Variants in KLF12 observed in about 807,000 individuals in gnomAD.
KLF12 encodes KLF transcription factor 12, also known as Krueppel-like factor 12.
A neutral mutation model predicts 37.8 loss-of-function variants in KLF12; 9 were observed. The ratio of observed to expected loss-of-function variants is 0.24; its 90% CI spans 0.14 to 0.42. The LOEUF (loss-of-function observed/expected upper bound fraction) is 0.42. KLF12 is among the 10% of genes least tolerant of loss of function. The pLI, the probability that KLF12 is intolerant of heterozygous loss-of-function variation, is 1.00. For missense variants in KLF12, 411 were observed against 516.0 expected (o/e 0.80, Z 1.97); for synonymous variants, 208 against 202.1 (o/e 1.03, Z -0.25).
At chr13:73,926,294 C>T (rs543566383) in intron 3 of KLF12, among the ~76,000 whole-genome samples, 12 of 152,286 alleles carry the variant, frequency 7.9e-5, no homozygotes, top group Admixed American at 6.5e-4. Context: ...CCACCTTGAT[C>T]AGTCAGTGGC....
chr13:74,126,400 T>C (rs891450555), intron 1 of KLF12, among the ~76,000 whole-genome samples: 1 of 152,222 alleles, frequency 6.6e-6, no homozygotes, highest in Non-Finnish European at 1.5e-5. Flanking sequence ...AATCTGCCAT[T>C]ATATACAATC....
chr13:73,913,766 A>G (rs1210596679), intron 3 of KLF12, among the ~76,000 whole-genome samples: 4 of 152,246 alleles, frequency 2.6e-5, no homozygotes, highest in African/African-American at 7.2e-5. Flanking sequence ...ATATAAATTA[A>G]TATCACCTTC....
intron 7 of KLF12, among the ~76,000 whole-genome samples, chr13:73,697,074 A>T (rs1013005657): frequency 3.6e-5 from 5 of 137,662 alleles, no homozygotes; most frequent in African/African-American, 1.1e-4. Flanking sequence ...ACTTGAATGT[A>T]TTAATACAAC....
the KLF12 span, among the ~76,000 whole-genome samples, chr13:74,164,859 A>G: frequency 2.6e-5 from 4 of 152,216 alleles, no homozygotes; most frequent in Admixed American, 6.5e-5. Context: ...ACAAATGAAA[A>G]CAATTGAACT....
chr13:73,996,597 ATTAT>A (rs898331041), intron 1 of KLF12, among the ~76,000 whole-genome samples: 1 of 152,234 alleles, frequency 6.6e-6, no homozygotes, highest in African/African-American at 2.4e-5. Flanking sequence ...GGAATATATC[ATTAT>A]TTACTTCTTA....
intron 2 of KLF12, among the ~76,000 whole-genome samples, chr13:73,974,126 A>G (rs1292226986): frequency 6.6e-6 from 1 of 152,164 alleles, no homozygotes; most frequent in Non-Finnish European, 1.5e-5. Context: ...ACAAAGAACA[A>G]AGAGAGCCTG....
intron 1 of KLF12, among the ~76,000 whole-genome samples, chr13:74,078,133 G>A (rs549924288): frequency 6.6e-6 from 1 of 152,192 alleles, no homozygotes; most frequent in East Asian, 1.9e-4. Flanking sequence ...AGCAGTTACT[G>A]AGGGGCATGG....
chr13:74,087,337 A>C (rs574371898), intron 1 of KLF12, among the ~76,000 whole-genome samples: 2 of 151,228 alleles, frequency 1.3e-5, no homozygotes, highest in African/African-American at 4.9e-5. Context: ...GTTTAAAAAA[A>C]ATTTTTTTTT....
chr13:73,865,567 CT>C (rs1488380328), intron 3 of KLF12, among the ~76,000 whole-genome samples: 2 of 152,130 alleles, frequency 1.3e-5, no homozygotes, highest in Non-Finnish European at 2.9e-5. Flanking sequence ...ATCACAACGT[CT>C]GCTATTCACT....
intron 3 of KLF12, among the ~76,000 whole-genome samples, chr13:73,927,361 C>T (rs928095134): frequency 6.6e-6 from 1 of 152,110 alleles, no homozygotes; most frequent in African/African-American, 2.4e-5. Context: ...GAGGAACGTA[C>T]CCTCTCTTAC....
chr13:73,912,049 G>C (rs190530421), intron 3 of KLF12, among the ~76,000 whole-genome samples: 275 of 152,286 alleles, frequency 1.8e-3, no homozygotes, highest in Non-Finnish European at 3.0e-3. Flanking sequence ...ACTCCCAAAA[G>C]GTAGTTTCTA....
intron 3 of KLF12, among the ~76,000 whole-genome samples, chr13:73,890,181 C>A (rs1887434135): frequency 1.3e-5 from 2 of 152,068 alleles, no homozygotes; most frequent in South Asian, 4.1e-4. Context: ...TCCCACCCAA[C>A]ACTGTATTCC....
chr13:73,763,314 T>C (rs1879690931), intron 6 of KLF12, among the ~76,000 whole-genome samples: 1 of 152,284 alleles, frequency 6.6e-6, no homozygotes, highest in Middle Eastern at 3.4e-3. Context: ...CACACACACA[T>C]ACACATACAC....
At chr13:74,137,819 G>T (rs996213661), upstream of KLF12, among the ~76,000 whole-genome samples, 1 of 151,994 alleles carries the variant, frequency 6.6e-6, no homozygotes, top group African/African-American at 2.4e-5. Context: ...GGAGTGCAAC[G>T]GCGCGATTTC....
intron 3 of KLF12, among the ~76,000 whole-genome samples, chr13:73,863,229 G>T (rs1430362684): frequency 2.0e-5 from 3 of 152,100 alleles, no homozygotes; most frequent in African/African-American, 7.2e-5. Flanking sequence ...GTGAATAACT[G>T]ACAAGAAGTC....
upstream of KLF12, among the ~76,000 whole-genome samples, chr13:74,136,464 G>A (rs981441703): frequency 3.9e-5 from 6 of 152,208 alleles, no homozygotes; most frequent in African/African-American, 1.4e-4. Context: ...CCCTCTAGGT[G>A]GGGCAGGGAG....
rs1873637557 is a variant in KLF12 at position 73,688,631 on chromosome 13, G to A, written c.*6859C>T. 6.6e-6 allele frequency: 1 copy of A among 152,170 alleles called. No homozygotes were observed. The highest frequency in any genetic ancestry group is 2.1e-4 in the South Asian group (1 of 4,824). The allele number at this position is 152,170 out of a possible 1,614,324, so 9.4% of individuals were successfully genotyped here. The stretch of plus-strand genomic sequence containing the variant: ...TTATGAGAAAAGTGACAAGTTCGGG[G>A]AGACAACTGGTTGCTATTGTTTGTT... On this transcript the variant is annotated 3_prime_UTR_variant, in exon 8 of 8. Transcript: ENST00000377669.
At chr13:74,237,295 A>G in the KLF12 span, among the ~76,000 whole-genome samples, 38 of 143,196 alleles carry the variant, frequency 2.7e-4, no homozygotes, top group Admixed American at 2.6e-3. Context: ...TGTTCCATTG[A>G]TCTATATCTC....
chr13:73,823,769 G>A (rs1883672665), intron 4 of KLF12, among the ~76,000 whole-genome samples: 1 of 151,950 alleles, frequency 6.6e-6, no homozygotes, highest in Non-Finnish European at 1.5e-5. Context: ...GGAGTGCAAT[G>A]GTGTGATCTT....
Sources: gnomAD v4.1 joint callset for allele counts (sites outside exome capture counted in the v4.1 genomes callset) on GRCh38, gnomAD v4.1.1 for gene constraint, MANE v1.5 for transcripts, NCBI Gene and HGNC (gene_info 2026-07-23, HGNC 2026-07-21) for gene names.